ENPEP: variants seen among roughly 807,000 people sequenced by gnomAD.
The protein encoded by ENPEP is AP-A.
In ENPEP, 103 loss-of-function variants were observed where a neutral mutation model predicts 114.5. That is an observed-to-expected ratio of 0.90 (90% confidence interval 0.77 to 1.06). ENPEP has a LOEUF of 1.06. Ranked by LOEUF, ENPEP falls within the 50% of genes least tolerant of loss-of-function variation. ENPEP has a pLI of 0.00. For synonymous variants in ENPEP, 420 were observed against 422.0 expected (o/e 1.00, Z 0.06); for missense variants, 1,196 against 1,161.3 (o/e 1.03, Z -0.43).
At chr4:110,483,007 T>C (rs776282682) in intron 1 of ENPEP, among the ~76,000 whole-genome samples, 1 of 152,162 alleles carries the variant, frequency 6.6e-6, no homozygotes, top group Non-Finnish European at 1.5e-5. Flanking sequence ...AGACTCCATC[T>C]CAAACAAACA....
chr4:110,534,840 C>T (rs1456689217), intron 11 of ENPEP, among the ~76,000 whole-genome samples: 1 of 151,830 alleles, frequency 6.6e-6, no homozygotes, highest in Non-Finnish European at 1.5e-5. Flanking sequence ...AAATTATAAG[C>T]TTCTTGATGA....
intron 11 of ENPEP, among the ~76,000 whole-genome samples, chr4:110,537,576 C>T (rs1326280333): frequency 6.6e-6 from 1 of 152,138 alleles, no homozygotes; most frequent in Non-Finnish European, 1.5e-5. Flanking sequence ...CAAAGTCATT[C>T]CTGACGGTTG....
chr4:110,520,215 G>C lies in ENPEP; in HGVS notation c.1576G>C (p.Ala526Pro), dbSNP rs143234247. 3.7e-4 allele frequency: 595 copies of C among 1,612,774 alleles called. No homozygotes were observed. The highest frequency in any genetic ancestry group is 3.9e-4 in the Non-Finnish European group (465 of 1,179,280). Reference protein sequence around the residue: ...TSDFWAALEEASRLPVKEVMD... With the variant: ...TSDFWAALEEPSRLPVKEVMD... ...ATCTCCATTTTGTTTTCAATCTTAGGCAAGTAGGCTACCAGTGAAAGAAGT... is the reference window on the plus strand; with the variant it reads ...ATCTCCATTTTGTTTTCAATCTTAGCCAAGTAGGCTACCAGTGAAAGAAGT... Residue 526 changes from alanine (A) to proline (P), a missense_variant and splice_region_variant, in exon 10 of 20, where the codon GCA becomes CCA. Coordinates refer to ENST00000265162, the MANE Select transcript of ENPEP (RefSeq NM_001977.4).
chr4:110,503,904 A>G (rs1725257300), intron 3 of ENPEP, among the ~76,000 whole-genome samples: 1 of 152,224 alleles, frequency 6.6e-6, no homozygotes, highest in African/African-American at 2.4e-5. Flanking sequence ...CATAATGGCC[A>G]GTAGTTAGGC....
At chr4:110,482,322 G>A (rs973345733) in intron 1 of ENPEP, among the ~76,000 whole-genome samples, 1 of 152,176 alleles carries the variant, frequency 6.6e-6, no homozygotes, top group African/African-American at 2.4e-5. Context: ...AAAGTTATGG[G>A]TCTAGGATAC....
intron 11 of ENPEP, chr4:110,533,285 T>C: frequency 4.0e-6 from 1 of 250,558 alleles, no homozygotes; most frequent in Non-Finnish European, 8.4e-6. Context: ...ACAATAGACA[T>C]TGTTCTAATA....
chr4:110,519,026 T>C, intron 8 of ENPEP: 1 of 452,218 alleles, frequency 2.2e-6, no homozygotes, highest in Non-Finnish European at 4.5e-6. Context: ...TGTGCAACTT[T>C]CTGTAATGAA....
intron 4 of ENPEP, among the ~76,000 whole-genome samples, chr4:110,507,421 T>C (rs2110351414): frequency 6.6e-6 from 1 of 152,328 alleles, no homozygotes; most frequent in South Asian, 2.1e-4. Context: ...ATAACACCCA[T>C]ATAGATGTTT....
At chr4:110,535,053 A>G (rs546085173) in intron 11 of ENPEP, among the ~76,000 whole-genome samples, 8 of 152,304 alleles carry the variant, frequency 5.3e-5, no homozygotes, top group African/African-American at 1.9e-4. Flanking sequence ...ATGCATCCAC[A>G]TTTAGTAGCA....
At chr4:110,553,903 T>C (rs905944270) in intron 18 of ENPEP, among the ~76,000 whole-genome samples, 3 of 152,114 alleles carry the variant, frequency 2.0e-5, no homozygotes, top group African/African-American at 7.2e-5. Context: ...GACCAGATAA[T>C]GAAATTTCAA....
chr4:110,490,711 G>T (rs1024176010), intron 2 of ENPEP, among the ~76,000 whole-genome samples: 10 of 152,178 alleles, frequency 6.6e-5, no homozygotes, highest in African/African-American at 2.4e-4. Flanking sequence ...TTAGGAGATT[G>T]CAGTACTCTG....
In ENPEP at chr4:110,548,166, TCTTTC is replaced by T; in HGVS notation, c.2001-9_2001-5del. ...TTTTTTTTTTTTTTTTTTTTTTTTG[TCTTTC>T]TCAGAGCTCAACTTCTAGATTATAA... On this transcript the variant is annotated splice_region_variant and splice_polypyrimidine_tract_variant and intron_variant, in intron 13 of 19. Transcript: ENST00000265162. 2 of 1,160,368 alleles carry T rather than the reference TCTTTC, an allele frequency of 1.7e-6. No homozygotes were observed. Among genetic ancestry groups the T allele is most frequent in the Non-Finnish European group, 2.2e-6 (2 of 914,446 alleles). 71.9% of individuals were successfully genotyped at this position (1,160,368 alleles called of 1,614,324 possible). A position where few individuals can be genotyped will look rare whatever the true frequency, so the allele number is the denominator to read the frequency against.
chr4:110,489,271 A>C (rs1380399690), intron 2 of ENPEP, among the ~76,000 whole-genome samples: 2 of 152,006 alleles, frequency 1.3e-5, no homozygotes, highest in African/African-American at 4.8e-5. Context: ...AACGTGGATG[A>C]AGCTGGAAAC....
chr4:110,523,608 T>C (rs1483518626), intron 10 of ENPEP, among the ~76,000 whole-genome samples: 3 of 152,332 alleles, frequency 2.0e-5, no homozygotes, highest in East Asian at 3.9e-4. Flanking sequence ...TATAATTTCA[T>C]AAATATTAGG....
At chr4:110,495,468 C>A (rs140785096) in intron 3 of ENPEP, among the ~76,000 whole-genome samples, 1,716 of 152,218 alleles carry the variant, frequency 0.011, 11 homozygotes, top group Non-Finnish European at 0.015. Flanking sequence ...TGCCTATAAT[C>A]CCAGCACTTT....
intron 4 of ENPEP, among the ~76,000 whole-genome samples, chr4:110,507,786 G>A (rs1374988435): frequency 6.6e-6 from 1 of 152,156 alleles, no homozygotes; most frequent in South Asian, 2.1e-4. Flanking sequence ...GACCAGCCTG[G>A]CAACATGGTG....
At position 110,558,032 on chromosome 4, in the gene ENPEP, A is replaced by AT. The variant is rs201439917; in HGVS notation, c.2643-1600dup. Among the ~76,000 whole-genome samples the AT allele has an allele frequency of 2.2e-3, 225 of 103,204 alleles. 5 individuals are homozygous for AT. In the Middle Eastern group the frequency reaches 0.037, roughly 17 times the overall value. 67.7% of individuals were successfully genotyped at this position (103,204 alleles called of 152,430 possible). On this transcript the variant is annotated intron_variant, in intron 18 of 19. Transcript: ENST00000265162. ...GGCTTCTAATTTTGTATATGGTAGG[A>AT]TTTTTTTTTTTTTTTGTATAAAACT...
chr4:110,550,022 C>A, intron 17 of ENPEP, 136 bp downstream of exon 17: 1 of 833,926 alleles, frequency 1.2e-6, no homozygotes, highest in Non-Finnish European at 1.8e-6. Flanking sequence ...CTGCAAGAAA[C>A]AAAATATCCA....
chr4:110,514,554 C>G (rs1472716322), intron 7 of ENPEP, among the ~76,000 whole-genome samples: 1 of 151,970 alleles, frequency 6.6e-6, no homozygotes, highest in Non-Finnish European at 1.5e-5. Flanking sequence ...TTTATTCAAT[C>G]ATTTTTCCCC....
Sources: gnomAD v4.1 joint callset for allele counts (sites outside exome capture counted in the v4.1 genomes callset) on GRCh38, gnomAD v4.1.1 for gene constraint, MANE v1.5 for transcripts, NCBI Gene and HGNC (gene_info 2026-07-23, HGNC 2026-07-21) for gene names.